Variants in FHOD3 observed in about 807,000 individuals in gnomAD.
FHOD3 encodes formin homology 2 domain containing 3.
FHOD3 carries 90 observed loss-of-function variants against 173.0 expected under a neutral mutation model. The observed-to-expected ratio is 0.52, with a 90% CI of 0.44 to 0.62. The LOEUF (loss-of-function observed/expected upper bound fraction) is 0.62, where lower values mean the gene tolerates loss of function less well. Ranked by LOEUF, FHOD3 falls within the 20% of genes least tolerant of loss-of-function variation. FHOD3 has a pLI of 0.00. For synonymous variants in FHOD3, 828 were observed against 823.0 expected (o/e 1.01, Z -0.10); for missense variants, 1,945 against 2,034.7 (o/e 0.96, Z 0.85).
chr18:36,457,812 A>G (rs989590866), intron 3 of FHOD3, among the ~76,000 whole-genome samples: 1 of 152,216 alleles, frequency 6.6e-6, no homozygotes, highest in Non-Finnish European at 1.5e-5. Context: ...GAAATAGTCT[A>G]AGGCAGAATT....
intron 1 of FHOD3, among the ~76,000 whole-genome samples, chr18:36,353,202 G>C (rs1269498697): frequency 6.6e-6 from 1 of 152,168 alleles, no homozygotes; most frequent in Non-Finnish European, 1.5e-5. Context: ...TCACCATCAA[G>C]CCTTTAGTAA....
intron 1 of FHOD3, among the ~76,000 whole-genome samples, chr18:36,350,414 G>T (rs1427674392): frequency 6.6e-6 from 1 of 152,092 alleles, no homozygotes; most frequent in Non-Finnish European, 1.5e-5. Flanking sequence ...TTCCTTAATC[G>T]CTGTACTTCT....
chr18:36,655,593 A>G (rs2036369482), intron 13 of FHOD3, among the ~76,000 whole-genome samples: 1 of 152,224 alleles, frequency 6.6e-6, no homozygotes, highest in Admixed American at 6.5e-5. Context: ...TGGATACTGT[A>G]CAAGTATTGT....
At chr18:36,538,802 A>T (rs1047106782) in intron 5 of FHOD3, among the ~76,000 whole-genome samples, 1 of 152,204 alleles carries the variant, frequency 6.6e-6, no homozygotes, top group African/African-American at 2.4e-5. Context: ...TTATGAAGGA[A>T]TAGCATGAGA....
At chr18:36,430,450 A>T in intron 3 of FHOD3, among the ~76,000 whole-genome samples, 1 of 152,226 alleles carries the variant, frequency 6.6e-6, no homozygotes, top group East Asian at 1.9e-4. Flanking sequence ...TCCTGACCTC[A>T]GGTGATCCGC....
chr18:36,658,076 T>C lies in FHOD3; in HGVS notation c.1723T>C (p.Tyr575His), dbSNP rs150626381. 5.0e-6 allele frequency: 8 copies of C among 1,605,978 alleles called. No individual in the cohort carries two copies. In the South Asian group the frequency reaches 8.8e-5, roughly 18 times the overall value. The change falls in exon 14 of 29, where the codon TAC (tyrosine) becomes CAC (histidine). Residue 575 changes from tyrosine (Y) to histidine (H), a missense_variant and splice_region_variant. Coordinates refer to ENST00000590592, the MANE Select transcript of FHOD3 (RefSeq NM_001281740.3). ...YHFRSFSSNR[Y>H]SNFGNNSYHS... ...AACTTAAACCTCTGCACTTCTTAGATACAGCAATTTTGGCAATAACTCTTA... is the reference window on the plus strand; with the variant it reads ...AACTTAAACCTCTGCACTTCTTAGACACAGCAATTTTGGCAATAACTCTTA...
chr18:36,549,565 T>C (rs1218387033), intron 5 of FHOD3, among the ~76,000 whole-genome samples: 1 of 123,556 alleles, frequency 8.1e-6, no homozygotes, highest in African/African-American at 3.1e-5. Flanking sequence ...TGAGATGGAG[T>C]CTCGCTCTGT....
chr18:36,772,828 C>T (rs894209271), intron 28 of FHOD3, among the ~76,000 whole-genome samples: 4 of 152,218 alleles, frequency 2.6e-5, no homozygotes, highest in Non-Finnish European at 4.4e-5. Context: ...CAGCTTACTT[C>T]GGGTGCCCAC....
At chr18:36,554,906 A>G (rs1369755458) in intron 5 of FHOD3, among the ~76,000 whole-genome samples, 1 of 152,180 alleles carries the variant, frequency 6.6e-6, no homozygotes, top group African/African-American at 2.4e-5. Context: ...CAGAATCTGT[A>G]GTTGTAATAA....
chr18:36,740,441 C>T (rs913788907), intron 20 of FHOD3, among the ~76,000 whole-genome samples: 5 of 152,172 alleles, frequency 3.3e-5, no homozygotes, highest in African/African-American at 9.7e-5. Context: ...TCTCTCACCT[C>T]TCATCTCCCT....
At chr18:36,460,364 A>G (rs967752725) in intron 3 of FHOD3, among the ~76,000 whole-genome samples, 1 of 152,238 alleles carries the variant, frequency 6.6e-6, no homozygotes, top group Non-Finnish European at 1.5e-5. Context: ...ATCTGTTTAT[A>G]TCAGTAAAGA....
At position 36,398,139 on chromosome 18, in the gene FHOD3, G is replaced by A. The variant is rs189322626; in HGVS notation, c.337+25395G>A. 4.6e-5 allele frequency among the ~76,000 whole-genome samples: 7 copies of A among 152,264 alleles called. No individual in the cohort carries two copies. In the East Asian group the frequency reaches 1.2e-3, roughly 25 times the overall value. ...TCCTGCTGTATTCTTGAACACAAAC[G>A]TGAATAAATATGCAGGAAGTTAAAA... On this transcript the variant is annotated intron_variant, in intron 3 of 28. Transcript: ENST00000590592.
At position 36,718,458 on chromosome 18, in the gene FHOD3, T is replaced by C. The variant is rs558223973; in HGVS notation, c.3160T>C (p.Leu1054=). 6 of 1,611,092 alleles carry C rather than the reference T, an allele frequency of 3.7e-6. No individual in the cohort carries two copies. The highest frequency in any genetic ancestry group is 2.7e-5 in the African/African-American group (2 of 74,498). ...IPPPPVPGNL[L]VPPPPVFNAP... ...TCCCCCTCCTGTCCCTGGTAATTTA[T>C]TGGTTCCTCCTCCTCCAGTGTTCAA... Residue 1054 remains leucine (L), a synonymous_variant, in exon 19 of 29, where the codon TTG becomes CTG. Coordinates refer to ENST00000590592, the MANE Select transcript of FHOD3 (RefSeq NM_001281740.3).
intron 14 of FHOD3, among the ~76,000 whole-genome samples, chr18:36,678,222 A>G (rs948228706): frequency 2.0e-5 from 3 of 152,142 alleles, no homozygotes; most frequent in Admixed American, 2.0e-4. Flanking sequence ...TTTAACAGTA[A>G]ACTGTTCTTA....
intron 1 of FHOD3, among the ~76,000 whole-genome samples, chr18:36,313,699 G>C (rs541032224): frequency 6.6e-6 from 1 of 152,150 alleles, no homozygotes; most frequent in African/African-American, 2.4e-5. Context: ...GTTGTTTCTG[G>C]TTTTTGGTGA....
intron 5 of FHOD3, among the ~76,000 whole-genome samples, chr18:36,522,587 T>C (rs531547665): frequency 3.0e-4 from 45 of 152,372 alleles, no homozygotes; most frequent in African/African-American, 1.1e-3. Flanking sequence ...TACCTGCCTC[T>C]GAAATAGATG....
At chr18:36,636,105 T>A (rs1427114801) in intron 10 of FHOD3, among the ~76,000 whole-genome samples, 1 of 152,210 alleles carries the variant, frequency 6.6e-6, no homozygotes, top group Non-Finnish European at 1.5e-5. Context: ...GGGCCAAGTT[T>A]CCCTTTGACC....
At chr18:36,353,527 T>C (rs2046228804) in intron 1 of FHOD3, among the ~76,000 whole-genome samples, 1 of 152,250 alleles carries the variant, frequency 6.6e-6, no homozygotes. Flanking sequence ...TTCATCTAGA[T>C]GTTTTAAAGT....
intron 9 of FHOD3, among the ~76,000 whole-genome samples, chr18:36,614,484 C>T (rs1484168212): frequency 6.6e-6 from 1 of 152,146 alleles, no homozygotes; most frequent in African/African-American, 2.4e-5. Flanking sequence ...AGTTTGTGTA[C>T]ATACGTTTTC....
Sources: allele counts gnomAD v4.1 joint callset (sites outside exome capture counted in the v4.1 genomes callset), GRCh38; gene constraint gnomAD v4.1.1; transcripts MANE v1.5; gene names NCBI Gene and HGNC (gene_info 2026-07-23, HGNC 2026-07-21).